Variants in ROBO1 observed in about 807,000 individuals in gnomAD.
The protein encoded by ROBO1 is roundabout homolog 1.
In ROBO1, 149 loss-of-function variants were observed where a neutral mutation model predicts 195.9. The observed-to-expected ratio is 0.76, with a 90% CI of 0.67 to 0.87. The LOEUF (loss-of-function observed/expected upper bound fraction) is 0.87, where lower values mean the gene tolerates loss of function less well. Among genes scored for constraint, ROBO1 ranks in the 40% least tolerant of loss-of-function variants. The pLI, the probability that ROBO1 is intolerant of heterozygous loss-of-function variation, is 0.00. For missense variants in ROBO1, 1,933 were observed against 2,068.3 expected, an observed-to-expected ratio of 0.93 and a Z score of 1.27; for synonymous variants, 816 against 733.2, an observed-to-expected ratio of 1.11 and a Z score of -1.82.
chr3:79,002,863 A>G (rs564723727), intron 3 of ROBO1, among the ~76,000 whole-genome samples: 5 of 152,080 alleles, frequency 3.3e-5, no homozygotes, highest in South Asian at 4.2e-4. Flanking sequence ...CCCTCTCTCA[A>G]TGTGGCCCAC....
intron 2 of ROBO1, among the ~76,000 whole-genome samples, chr3:79,434,516 G>A (rs1291524388): frequency 6.6e-6 from 1 of 151,908 alleles, no homozygotes; most frequent in South Asian, 2.1e-4. Context: ...ACCACAATGA[G>A]ATACCATCTC....
intron 2 of ROBO1, among the ~76,000 whole-genome samples, chr3:79,503,864 G>GC (rs1199198562): frequency 2.0e-5 from 3 of 152,108 alleles, no homozygotes; most frequent in Non-Finnish European, 4.4e-5. Context: ...TTTCAATTAG[G>GC]ATAAACTTTG....
intron 2 of ROBO1, among the ~76,000 whole-genome samples, chr3:79,175,811 T>A (rs1576775154): frequency 6.6e-6 from 1 of 152,336 alleles, no homozygotes; most frequent in East Asian, 1.9e-4. Context: ...GGCACGTGGT[T>A]CTTATTTGAC....
chr3:79,367,435 T>C (rs1216283708), intron 2 of ROBO1, among the ~76,000 whole-genome samples: 2 of 152,264 alleles, frequency 1.3e-5, no homozygotes, highest in Non-Finnish European at 2.9e-5. Flanking sequence ...CTGACTCTGA[T>C]ATTTTATACT....
At chr3:78,628,942 C>T (rs1704998246) in intron 25 of ROBO1, among the ~76,000 whole-genome samples, 1 of 152,090 alleles carries the variant, frequency 6.6e-6, no homozygotes, top group Admixed American at 6.6e-5. Flanking sequence ...CCATTGCTTC[C>T]AAAATTACAC....
chr3:79,354,331 T>A (rs903894959), intron 2 of ROBO1, among the ~76,000 whole-genome samples: 2 of 152,208 alleles, frequency 1.3e-5, no homozygotes, highest in African/African-American at 4.8e-5. Context: ...GGCACTTGAT[T>A]TCATCAGAAT....
At chr3:78,903,866 C>A (rs1380727914) in intron 4 of ROBO1, among the ~76,000 whole-genome samples, 2 of 152,186 alleles carry the variant, frequency 1.3e-5, no homozygotes. Flanking sequence ...ATAGACCACA[C>A]TGTCTTGGTA....
intron 3 of ROBO1, among the ~76,000 whole-genome samples, chr3:78,958,588 A>G (rs1028247854): frequency 6.6e-6 from 1 of 152,124 alleles, no homozygotes; most frequent in Admixed American, 6.5e-5. Context: ...TTTTCTGAAC[A>G]CAACTTTCAA....
intron 3 of ROBO1, among the ~76,000 whole-genome samples, chr3:79,010,203 CT>C (rs2108204846): frequency 6.6e-6 from 1 of 152,268 alleles, no homozygotes; most frequent in East Asian, 1.9e-4. Context: ...ATATTTTACA[CT>C]GTTTCATCTA....
intron 2 of ROBO1, among the ~76,000 whole-genome samples, chr3:79,151,383 A>G (rs2080765499): frequency 6.6e-6 from 1 of 151,764 alleles, no homozygotes; most frequent in Non-Finnish European, 1.5e-5. Flanking sequence ...TGCATTTCAC[A>G]CATCATTTCA....
chr3:78,941,946 A>C (rs2040167046), intron 3 of ROBO1, among the ~76,000 whole-genome samples: 1 of 152,208 alleles, frequency 6.6e-6, no homozygotes, highest in South Asian at 2.1e-4. Context: ...TGGCAGCATG[A>C]AACTGGACCT....
At chr3:79,762,632 A>ACACACAC (rs1553650940) in intron 1 of ROBO1, among the ~76,000 whole-genome samples, 1 of 118,184 alleles carries the variant, frequency 8.5e-6, no homozygotes, top group African/African-American at 3.1e-5. Flanking sequence ...ACACACACAC[A>ACACACAC]AAAGCCGAGA....
intron 8 of ROBO1, among the ~76,000 whole-genome samples, chr3:78,698,489 T>G (rs1481146991): frequency 6.6e-6 from 1 of 152,150 alleles, no homozygotes; most frequent in Non-Finnish European, 1.5e-5. Flanking sequence ...ACTATGAACT[T>G]TTCACCTCCT....
intron 3 of ROBO1, among the ~76,000 whole-genome samples, chr3:79,087,183 G>T (rs1236519968): frequency 6.6e-6 from 1 of 151,962 alleles, no homozygotes; most frequent in African/African-American, 2.4e-5. Flanking sequence ...TCAGAACTTA[G>T]ATACACAACT....
chr3:78,693,568 A>G (rs1250342583), intron 8 of ROBO1, among the ~76,000 whole-genome samples: 3 of 152,298 alleles, frequency 2.0e-5, no homozygotes, highest in East Asian at 3.9e-4. Flanking sequence ...AATAGAAATG[A>G]AGCTTAAATT....
At chr3:79,008,679 A>T (rs2077686987) in intron 3 of ROBO1, among the ~76,000 whole-genome samples, 1 of 150,540 alleles carries the variant, frequency 6.6e-6, no homozygotes, top group South Asian at 2.1e-4. Context: ...CTGCATCCTC[A>T]ACCTCCTGGG....
intron 3 of ROBO1, among the ~76,000 whole-genome samples, chr3:79,116,202 G>A (rs1374077531): frequency 1.3e-5 from 2 of 152,000 alleles, no homozygotes; most frequent in Admixed American, 6.6e-5. Context: ...TACATAAAAT[G>A]GCTTAGTATT....
chr3:79,323,854 C>A (rs1318515998), intron 2 of ROBO1, among the ~76,000 whole-genome samples: 1 of 152,062 alleles, frequency 6.6e-6, no homozygotes, highest in Non-Finnish European at 1.5e-5. Context: ...ACGCATTTTC[C>A]TTAACCCAGT....
chr3:78,713,307 T>C (rs955814878), intron 8 of ROBO1, among the ~76,000 whole-genome samples: 10 of 152,162 alleles, frequency 6.6e-5, no homozygotes, highest in Non-Finnish European at 1.0e-4. Context: ...ACAAGGCTCT[T>C]TTGTACAAAG....
Sources: gnomAD v4.1 joint callset for allele counts (sites outside exome capture counted in the v4.1 genomes callset) on GRCh38, gnomAD v4.1.1 for gene constraint, MANE v1.5 for transcripts, NCBI Gene and HGNC (gene_info 2026-07-23, HGNC 2026-07-21) for gene names.